Variants in QTMAN observed in about 807,000 individuals in gnomAD.
The protein encoded by QTMAN is tRNA-queuosine alpha-mannosyltransferase.
At chr2:144,222,391 C>T in the QTMAN span, among the ~76,000 whole-genome samples, 1 of 151,146 alleles carries the variant, frequency 6.6e-6, no homozygotes, top group African/African-American at 2.4e-5. Context: ...AAGTAAAATG[C>T]CAAAATGTTA....
chr2:144,034,318 G>C, the QTMAN span, among the ~76,000 whole-genome samples: 1 of 152,170 alleles, frequency 6.6e-6, no homozygotes, highest in Non-Finnish European at 1.5e-5. Context: ...TTTCATCCAT[G>C]TGTACACACA....
At chr2:144,058,794 C>G in the QTMAN span, among the ~76,000 whole-genome samples, 1 of 152,184 alleles carries the variant, frequency 6.6e-6, no homozygotes, top group Admixed American at 6.5e-5. Flanking sequence ...ATCTGTTACA[C>G]TGGGTTCTGC....
chr2:144,228,684 C>T, the QTMAN span, among the ~76,000 whole-genome samples: 2 of 152,094 alleles, frequency 1.3e-5, no homozygotes, highest in Non-Finnish European at 2.9e-5. Flanking sequence ...AAAGGCCAGG[C>T]GCAGTGGCTC....
chr2:144,315,841 A>G, the QTMAN span, among the ~76,000 whole-genome samples: 1 of 152,110 alleles, frequency 6.6e-6, no homozygotes. Context: ...CTTCATTACC[A>G]CATCCCACAC....
chr2:144,243,156 G>A, the QTMAN span, among the ~76,000 whole-genome samples: 2 of 152,004 alleles, frequency 1.3e-5, no homozygotes, highest in African/African-American at 4.8e-5. Flanking sequence ...GTGCTGAAGA[G>A]CTAATCAAAA....
the QTMAN span, among the ~76,000 whole-genome samples, chr2:144,265,467 G>C: frequency 6.6e-6 from 1 of 152,304 alleles, no homozygotes; most frequent in Admixed American, 6.5e-5. Context: ...GGAGGCTGAG[G>C]GGGGCAGATC....
the QTMAN span, among the ~76,000 whole-genome samples, chr2:144,092,225 G>C: frequency 6.6e-6 from 1 of 151,408 alleles, no homozygotes; most frequent in Non-Finnish European, 1.5e-5. Context: ...ACCCAGGCTG[G>C]AGTGCAGTGG....
the QTMAN span, among the ~76,000 whole-genome samples, chr2:144,318,419 G>A: frequency 3.3e-5 from 5 of 152,240 alleles, no homozygotes; most frequent in East Asian, 7.7e-4. Context: ...AGATTCAAAA[G>A]AGTTTAAGGT....
chr2:144,040,642 CAGAA>C, the QTMAN span, among the ~76,000 whole-genome samples: 6 of 151,760 alleles, frequency 4.0e-5, no homozygotes, highest in African/African-American at 9.7e-5. Context: ...AGAAAAGAAA[CAGAA>C]AGGAAGATGG....
the QTMAN span, among the ~76,000 whole-genome samples, chr2:144,129,796 T>C: frequency 6.6e-6 from 1 of 152,022 alleles, no homozygotes; most frequent in East Asian, 1.9e-4. Flanking sequence ...TTTTACAAAA[T>C]GTTTTAAAGT....
chr2:144,172,773 C>A, the QTMAN span, among the ~76,000 whole-genome samples: 59 of 152,050 alleles, frequency 3.9e-4, no homozygotes, highest in Non-Finnish European at 8.4e-4. Flanking sequence ...CTAATTGCCA[C>A]CACCTACTAG....
At chr2:144,133,352 G>GTA in the QTMAN span, among the ~76,000 whole-genome samples, 1 of 27,962 alleles carries the variant, frequency 3.6e-5, no homozygotes, top group Non-Finnish European at 6.8e-5. Context: ...TATTATATAT[G>GTA]TATATATATA....
the QTMAN span, among the ~76,000 whole-genome samples, chr2:144,142,229 C>T: frequency 1.3e-5 from 2 of 151,862 alleles, no homozygotes; most frequent in South Asian, 4.2e-4. Flanking sequence ...AAGTTGGTTT[C>T]ATTAGTGTTA....
At chr2:144,312,112 T>A in the QTMAN span, among the ~76,000 whole-genome samples, 1 of 151,782 alleles carries the variant, frequency 6.6e-6, no homozygotes, top group South Asian at 2.1e-4. Flanking sequence ...AGCAGAGGGG[T>A]CATCAGTTAC....
chr2:144,270,468 T>G, the QTMAN span, among the ~76,000 whole-genome samples: 1 of 152,238 alleles, frequency 6.6e-6, no homozygotes, highest in Non-Finnish European at 1.5e-5. Flanking sequence ...TGGAATACTT[T>G]GCAGCCATAA....
the QTMAN span, among the ~76,000 whole-genome samples, chr2:143,960,834 C>A: frequency 2.6e-5 from 4 of 151,754 alleles, no homozygotes; most frequent in Non-Finnish European, 5.9e-5. Context: ...AGGTAGAAAA[C>A]AAAGTGTATT....
At chr2:144,119,332 A>G in the QTMAN span, among the ~76,000 whole-genome samples, 2 of 152,210 alleles carry the variant, frequency 1.3e-5, no homozygotes, top group Non-Finnish European at 2.9e-5. Context: ...TGCTATGAGG[A>G]ACTATTGCCT....
chr2:144,052,424 G>A, the QTMAN span, among the ~76,000 whole-genome samples: 1 of 152,198 alleles, frequency 6.6e-6, no homozygotes, highest in Non-Finnish European at 1.5e-5. Context: ...TTGACTAATA[G>A]TAGTTAGCAT....
chr2:144,249,352 T>G, the QTMAN span, among the ~76,000 whole-genome samples: 1 of 152,228 alleles, frequency 6.6e-6, no homozygotes, highest in Non-Finnish European at 1.5e-5. Flanking sequence ...GTTTTATCCA[T>G]GAGATCAACA....
Sources: gnomAD v4.1 joint callset for allele counts (sites outside exome capture counted in the v4.1 genomes callset) on GRCh38, gnomAD v4.1.1 for gene constraint, MANE v1.5 for transcripts, NCBI Gene and HGNC (gene_info 2026-07-23, HGNC 2026-07-21) for gene names.